The following CDH18 variants were observed in gnomAD, a reference collection of about 807,000 sequenced individuals.
CDH18 encodes cadherin-18.
CDH18 carries 31 observed loss-of-function variants against 67.9 expected under a neutral mutation model. The observed-to-expected ratio is 0.46, with a 90% CI of 0.34 to 0.62. CDH18 has a LOEUF of 0.62. Among genes scored for constraint, CDH18 ranks in the 20% least tolerant of loss-of-function variants. The pLI, the probability that CDH18 is intolerant of heterozygous loss-of-function variation, is 0.01. For missense variants in CDH18, 890 were observed against 975.5 expected (o/e 0.91, Z 1.17); for synonymous variants, 362 against 347.2 (o/e 1.04, Z -0.48).
At chr5:19,524,410 A>G (rs1036384908) in intron 9 of CDH18, among the ~76,000 whole-genome samples, 4 of 151,188 alleles carry the variant, frequency 2.6e-5, no homozygotes, top group African/African-American at 9.7e-5. Context: ...TTCTTTTAGA[A>G]ACTAACATTA....
At chr5:20,476,825 A>G (rs142469881) in intron 1 of CDH18, among the ~76,000 whole-genome samples, 610 of 152,312 alleles carry the variant, frequency 4.0e-3, no homozygotes, top group Middle Eastern at 0.024. Context: ...TTTGAAGAAC[A>G]GTTTATTTCA....
intron 2 of CDH18, among the ~76,000 whole-genome samples, chr5:20,226,678 A>G (rs1362418601): frequency 1.3e-5 from 2 of 152,164 alleles, no homozygotes; most frequent in Non-Finnish European, 2.9e-5. Flanking sequence ...TCAAACATAT[A>G]ACTATTTATA....
At chr5:20,015,023 A>G (rs905126231) in intron 2 of CDH18, among the ~76,000 whole-genome samples, 2 of 152,150 alleles carry the variant, frequency 1.3e-5, no homozygotes, top group Non-Finnish European at 2.9e-5. Flanking sequence ...AAGGACATAT[A>G]CTAGGTCAAA....
intron 3 of CDH18, among the ~76,000 whole-genome samples, chr5:19,795,063 T>C (rs1404256562): frequency 2.0e-5 from 3 of 152,110 alleles, no homozygotes; most frequent in Non-Finnish European, 4.4e-5. Flanking sequence ...GCTCAGCTTC[T>C]TGCAGAGAAA....
At chr5:19,508,632 C>T (rs1245495434) in intron 10 of CDH18, among the ~76,000 whole-genome samples, 3 of 151,914 alleles carry the variant, frequency 2.0e-5, no homozygotes, top group Admixed American at 1.3e-4. Flanking sequence ...TTGATATCTA[C>T]AAATAGATGT....
At chr5:19,621,216 GTTT>G (rs3062881) in intron 5 of CDH18, among the ~76,000 whole-genome samples, 1 of 140,412 alleles carries the variant, frequency 7.1e-6, no homozygotes, top group Non-Finnish European at 1.5e-5. Flanking sequence ...AAGAACCCAG[GTTT>G]TTTTTTTTTT....
chr5:19,574,046 T>C (rs1561379719), intron 7 of CDH18, among the ~76,000 whole-genome samples: 1 of 152,210 alleles, frequency 6.6e-6, no homozygotes, highest in African/African-American at 2.4e-5. Flanking sequence ...CCTCCACTTA[T>C]TTATTATTTT....
At chr5:19,509,965 T>C (rs189291238) in intron 10 of CDH18, among the ~76,000 whole-genome samples, 2 of 152,138 alleles carry the variant, frequency 1.3e-5, no homozygotes, top group Non-Finnish European at 2.9e-5. Flanking sequence ...GTATCTCTAT[T>C]TACCTGAACT....
chr5:19,846,723 G>C (rs1196840372), intron 2 of CDH18, among the ~76,000 whole-genome samples: 1 of 152,044 alleles, frequency 6.6e-6, no homozygotes, highest in East Asian at 1.9e-4. Context: ...CTGAGGGGTA[G>C]CTGTACTTTC....
chr5:19,802,213 T>A (rs1291292565), intron 3 of CDH18, among the ~76,000 whole-genome samples: 1 of 152,144 alleles, frequency 6.6e-6, no homozygotes, highest in East Asian at 1.9e-4. Context: ...TATAAATGTG[T>A]TTAATACTTC....
chr5:19,600,599 T>A (rs1332165260), intron 6 of CDH18, among the ~76,000 whole-genome samples: 2 of 151,326 alleles, frequency 1.3e-5, no homozygotes, highest in East Asian at 3.9e-4. Context: ...TCTGTCCTTT[T>A]TCTTGAAAAA....
At chr5:20,063,240 A>G (rs1742663416) in intron 2 of CDH18, among the ~76,000 whole-genome samples, 1 of 151,602 alleles carries the variant, frequency 6.6e-6, no homozygotes, top group Non-Finnish European at 1.5e-5. Context: ...CCATACAATT[A>G]CCACAGAAAA....
At chr5:20,177,965 G>C (rs916244756) in intron 2 of CDH18, among the ~76,000 whole-genome samples, 1 of 152,048 alleles carries the variant, frequency 6.6e-6, no homozygotes, top group Non-Finnish European at 1.5e-5. Context: ...TTTGTAAATT[G>C]ACCAGTCTTC....
At chr5:20,286,739 T>G (rs1029611879) in intron 1 of CDH18, among the ~76,000 whole-genome samples, 4 of 151,676 alleles carry the variant, frequency 2.6e-5, no homozygotes, top group African/African-American at 9.7e-5. Context: ...TATAAAGTAT[T>G]TCTTTATTTC....
chr5:19,498,025 C>T (rs1454459582), intron 11 of CDH18, among the ~76,000 whole-genome samples: 1 of 152,062 alleles, frequency 6.6e-6, no homozygotes, highest in Non-Finnish European at 1.5e-5. Context: ...TTTCCTTATA[C>T]CTTAAGGTGA....
chr5:20,481,010 G>A (rs1581081670), intron 1 of CDH18, among the ~76,000 whole-genome samples: 2 of 151,974 alleles, frequency 1.3e-5, no homozygotes, highest in Admixed American at 6.6e-5. Flanking sequence ...AGCATTGGAT[G>A]TAAATGGACA....
At chr5:20,567,913 CA>C (rs1401526996) in intron 1 of CDH18, among the ~76,000 whole-genome samples, 1 of 152,024 alleles carries the variant, frequency 6.6e-6, no homozygotes, top group Non-Finnish European at 1.5e-5. Flanking sequence ...AGGACTTGTT[CA>C]GCAAATTTTT....
chr5:19,742,449 C>A (rs1769340279), intron 4 of CDH18, among the ~76,000 whole-genome samples: 1 of 151,606 alleles, frequency 6.6e-6, no homozygotes, highest in South Asian at 2.1e-4. Flanking sequence ...CCAAGCTGGA[C>A]TATTTTTTTT....
intron 2 of CDH18, among the ~76,000 whole-genome samples, chr5:20,005,443 CA>C (rs1211635300): frequency 6.6e-6 from 1 of 151,146 alleles, no homozygotes; most frequent in Non-Finnish European, 1.5e-5. Context: ...CACACACACA[CA>C]CACACTTTCC....
Sources: allele counts gnomAD v4.1 joint callset (sites outside exome capture counted in the v4.1 genomes callset), GRCh38; gene constraint gnomAD v4.1.1; transcripts MANE v1.5; gene names NCBI Gene and HGNC (gene_info 2026-07-23, HGNC 2026-07-21).